The following CSMD1 variants were observed in gnomAD, a reference collection of about 807,000 sequenced individuals.
The protein encoded by CSMD1 is CUB and Sushi multiple domains 1.
CSMD1 carries 213 observed loss-of-function variants against 417.5 expected under a neutral mutation model. That is an observed-to-expected ratio of 0.51 (90% CI 0.46 to 0.57). The LOEUF (loss-of-function observed/expected upper bound fraction) is 0.57, where lower values mean the gene tolerates loss of function less well. Among genes scored for constraint, CSMD1 ranks in the 20% least tolerant of loss-of-function variants. CSMD1 has a pLI of 0.00. For synonymous variants in CSMD1, 2,862 were observed against 1,736.8 expected (o/e 1.65, Z -16.11); for missense variants, 6,923 against 4,529.7 (o/e 1.53, Z -15.17).
intron 5 of CSMD1, among the ~76,000 whole-genome samples, chr8:3,986,036 C>G (rs113944773): frequency 2.6e-4 from 40 of 152,182 alleles, no homozygotes; most frequent in African/African-American, 9.2e-4. Flanking sequence ...TATCTCAAAG[C>G]CCTGTCTTTT....
At chr8:3,715,702 C>T (rs1056617466) in intron 6 of CSMD1, among the ~76,000 whole-genome samples, 1 of 152,076 alleles carries the variant, frequency 6.6e-6, no homozygotes, top group East Asian at 1.9e-4. Context: ...GCCACCAAAC[C>T]CACCTATTTT....
At chr8:4,640,356 G>T (rs1253376397) in intron 1 of CSMD1, among the ~76,000 whole-genome samples, 1 of 152,174 alleles carries the variant, frequency 6.6e-6, no homozygotes, top group Non-Finnish European at 1.5e-5. Flanking sequence ...GATGTATTTG[G>T]TCTGCAACTT....
intron 36 of CSMD1, among the ~76,000 whole-genome samples, chr8:3,186,426 T>C (rs911404336): frequency 6.6e-6 from 1 of 152,116 alleles, no homozygotes; most frequent in Admixed American, 6.5e-5. Context: ...CAAACATGGA[T>C]TGTGAATGAC....
At chr8:4,742,165 G>A (rs1810655874) in intron 1 of CSMD1, among the ~76,000 whole-genome samples, 2 of 151,000 alleles carry the variant, frequency 1.3e-5, no homozygotes, top group South Asian at 2.1e-4. Context: ...CGAGTAGCTG[G>A]GACTACAGGC....
chr8:4,952,659 AT>A (rs1343466046), intron 1 of CSMD1, among the ~76,000 whole-genome samples: 6 of 152,118 alleles, frequency 3.9e-5, no homozygotes, highest in African/African-American at 1.4e-4. Context: ...TCAAATATGG[AT>A]TTAAAAATCT....
intron 12 of CSMD1, among the ~76,000 whole-genome samples, chr8:3,459,421 C>T (rs1026186099): frequency 1.3e-5 from 2 of 152,138 alleles, no homozygotes; most frequent in African/African-American, 2.4e-5. Flanking sequence ...GCACCAGTGC[C>T]ACAGGAATAT....
chr8:2,945,672 C>T (rs570413765), intron 68 of CSMD1, among the ~76,000 whole-genome samples: 27 of 152,102 alleles, frequency 1.8e-4, no homozygotes, highest in Admixed American at 1.6e-3. Flanking sequence ...CAGCTCTGTG[C>T]GATCCCTCTG....
At chr8:4,971,164 T>C (rs1030732430) in intron 1 of CSMD1, among the ~76,000 whole-genome samples, 2 of 152,174 alleles carry the variant, frequency 1.3e-5, no homozygotes, top group Non-Finnish European at 2.9e-5. Flanking sequence ...TCATAATCTA[T>C]AGTTTTTGAA....
intron 11 of CSMD1, among the ~76,000 whole-genome samples, chr8:3,491,910 G>A (rs971228686): frequency 2.0e-5 from 3 of 152,192 alleles, no homozygotes; most frequent in East Asian, 3.9e-4. Flanking sequence ...GAGTTTAAAA[G>A]GCGGGTCCAG....
chr8:4,099,642 TCAG>T (rs1039742655), intron 3 of CSMD1, among the ~76,000 whole-genome samples: 3 of 152,112 alleles, frequency 2.0e-5, no homozygotes, highest in South Asian at 4.1e-4. Flanking sequence ...TTTCTTGGGT[TCAG>T]AATAAACCAA....
At chr8:3,421,412 A>G (rs1813480159) in intron 12 of CSMD1, among the ~76,000 whole-genome samples, 1 of 152,250 alleles carries the variant, frequency 6.6e-6, no homozygotes, top group African/African-American at 2.4e-5. Flanking sequence ...TACTATATAC[A>G]ATCCCAGGTT....
At chr8:3,769,047 G>A (rs1563060328) in intron 5 of CSMD1, among the ~76,000 whole-genome samples, 1 of 152,238 alleles carries the variant, frequency 6.6e-6, no homozygotes, top group African/African-American at 2.4e-5. Context: ...AGGCAGGTGT[G>A]TTTGGTTAGA....
At chr8:3,078,526 G>T (rs1813852595) in intron 49 of CSMD1, among the ~76,000 whole-genome samples, 1 of 152,226 alleles carries the variant, frequency 6.6e-6, no homozygotes, top group African/African-American at 2.4e-5. Context: ...GATCTTGGAA[G>T]ATTAATTTGA....
chr8:4,052,574 C>T (rs2554541), intron 3 of CSMD1, among the ~76,000 whole-genome samples: 137,548 of 152,148 alleles, frequency 0.9, 62,368 homozygotes, highest in East Asian at 0.99. Context: ...GAGAAAATCA[C>T]GAAATTCTTG....
At chr8:4,049,919 T>TC (rs1177080063) in intron 3 of CSMD1, among the ~76,000 whole-genome samples, 2 of 26,888 alleles carry the variant, frequency 7.4e-5, no homozygotes, top group Non-Finnish European at 1.2e-4. Context: ...AGGAATCCAT[T>TC]CGGATACCAC....
intron 11 of CSMD1, among the ~76,000 whole-genome samples, chr8:3,482,637 G>A (rs879754497): frequency 1.3e-5 from 2 of 152,048 alleles, no homozygotes; most frequent in Admixed American, 1.3e-4. Flanking sequence ...CAACCAACAG[G>A]ATCTAACTGA....
chr8:3,496,312 T>G (rs1477471365), intron 10 of CSMD1, among the ~76,000 whole-genome samples: 1 of 152,150 alleles, frequency 6.6e-6, no homozygotes, highest in African/African-American at 2.4e-5. Context: ...GCAGTTTTGG[T>G]TGGTTTGCTG....
intron 37 of CSMD1, among the ~76,000 whole-genome samples, chr8:3,172,494 G>A (rs1242139498): frequency 2.6e-5 from 4 of 152,016 alleles, no homozygotes; most frequent in Admixed American, 2.0e-4. Context: ...TTCTAATTGT[G>A]CCCCCACCTC....
intron 1 of CSMD1, among the ~76,000 whole-genome samples, chr8:4,803,122 G>A (rs185198094): frequency 2.0e-5 from 3 of 152,196 alleles, no homozygotes; most frequent in African/African-American, 4.8e-5. Flanking sequence ...TCATGTATAT[G>A]ATTTTTTTGC....
Sources: allele counts gnomAD v4.1 joint callset (sites outside exome capture counted in the v4.1 genomes callset), GRCh38; gene constraint gnomAD v4.1.1; transcripts MANE v1.5; gene names NCBI Gene and HGNC (gene_info 2026-07-23, HGNC 2026-07-21).